KIF6: variants seen among roughly 807,000 people sequenced by gnomAD.
The protein encoded by KIF6 is kinesin-like protein KIF6.
In KIF6, 106 loss-of-function variants were observed where a neutral mutation model predicts 112.7. That is an observed-to-expected ratio of 0.94 (90% CI 0.80 to 1.11). KIF6 has a LOEUF of 1.11. Among genes scored for constraint, KIF6 ranks in the 50% least tolerant of loss-of-function variants. KIF6 has a pLI of 0.00. For synonymous variants in KIF6, 339 were observed against 339.9 expected (o/e 1.00, Z 0.03); for missense variants, 929 against 964.0 (o/e 0.96, Z 0.48).
At chr6:39,628,736 G>T (rs951369926) in intron 5 of KIF6, among the ~76,000 whole-genome samples, 1 of 151,758 alleles carries the variant, frequency 6.6e-6, no homozygotes, top group African/African-American at 2.4e-5. Flanking sequence ...AAATTCTGTG[G>T]GTTTTGACAA....
chr6:39,586,335 G>GGA lies in KIF6; in HGVS notation c.914_915dup (p.Leu306SerfsTer2). 1 of 1,614,012 alleles carries GGA rather than the reference G, an allele frequency of 6.2e-7. No individual in the cohort carries two copies. The highest frequency in any genetic ancestry group is 1.3e-5 in the African/African-American group (1 of 75,052). On this transcript the variant is annotated frameshift_variant, in exon 8 of 23. Transcript: ENST00000287152. LOFTEE classifies it high-confidence loss of function. ...CAGTTCCCTCCCAAACTGTCTCTTA[G>GGA]GACACTGGTCATCATGGAGTTTCTA...
chr6:39,542,781 C>G (rs1286189773), intron 12 of KIF6, among the ~76,000 whole-genome samples: 2 of 152,218 alleles, frequency 1.3e-5, no homozygotes, highest in Non-Finnish European at 2.9e-5. Context: ...CTTTTCTCAG[C>G]AGGTCTTATG....
At chr6:39,602,649 A>T (rs1380347003) in intron 6 of KIF6, among the ~76,000 whole-genome samples, 1 of 152,200 alleles carries the variant, frequency 6.6e-6, no homozygotes, top group Admixed American at 6.5e-5. Context: ...TTTTAAGTCC[A>T]TGGAATATAG....
intron 15 of KIF6, among the ~76,000 whole-genome samples, chr6:39,407,165 G>A (rs1227909189): frequency 6.6e-6 from 1 of 152,024 alleles, no homozygotes; most frequent in Non-Finnish European, 1.5e-5. Flanking sequence ...AGCCTGATTA[G>A]GTTCAGGTCA....
At chr6:39,465,650 A>T (rs1201297018) in intron 13 of KIF6, among the ~76,000 whole-genome samples, 2 of 152,166 alleles carry the variant, frequency 1.3e-5, no homozygotes, top group East Asian at 3.8e-4. Context: ...CTGATGCTTA[A>T]ATACTTTCAG....
At chr6:39,585,690 A>G (rs1781589286) in intron 8 of KIF6, among the ~76,000 whole-genome samples, 1 of 152,196 alleles carries the variant, frequency 6.6e-6, no homozygotes, top group African/African-American at 2.4e-5. Context: ...AAAGATTCAT[A>G]ATAGGTCAAA....
intron 10 of KIF6, among the ~76,000 whole-genome samples, chr6:39,576,599 T>C (rs1780987445): frequency 6.6e-6 from 1 of 152,146 alleles, no homozygotes; most frequent in African/African-American, 2.4e-5. Context: ...CTCTGGACAG[T>C]GTCTCGACTA....
At chr6:39,494,281 T>C (rs996143736) in intron 13 of KIF6, among the ~76,000 whole-genome samples, 13 of 152,236 alleles carry the variant, frequency 8.5e-5, no homozygotes, top group Non-Finnish European at 2.9e-5. Flanking sequence ...TTTAGTTAGC[T>C]AAATCCCAGG....
chr6:39,668,354 G>C (rs1786606887), intron 3 of KIF6, among the ~76,000 whole-genome samples: 1 of 151,996 alleles, frequency 6.6e-6, no homozygotes, highest in Non-Finnish European at 1.5e-5. Flanking sequence ...CTTTTTAGGA[G>C]AAAAAAATAA....
chr6:39,636,353 G>C (rs147101684), intron 4 of KIF6, among the ~76,000 whole-genome samples: 2 of 151,994 alleles, frequency 1.3e-5, no homozygotes, highest in African/African-American at 4.8e-5. Context: ...TCTATATTCC[G>C]GTGTTCTGTG....
intron 13 of KIF6, among the ~76,000 whole-genome samples, chr6:39,444,970 G>C (rs1772212244): frequency 1.3e-5 from 2 of 152,320 alleles, no homozygotes; most frequent in South Asian, 4.1e-4. Flanking sequence ...CCTGGGAGGA[G>C]CCGCATCACC....
At chr6:39,351,460 G>T (rs1441525256) in intron 19 of KIF6, among the ~76,000 whole-genome samples, 1 of 151,996 alleles carries the variant, frequency 6.6e-6, no homozygotes, top group Non-Finnish European at 1.5e-5. Context: ...TCACCTTGTT[G>T]CCCAGGCTGG....
chr6:39,512,821 T>G (rs1053479476), intron 13 of KIF6, among the ~76,000 whole-genome samples: 2 of 152,190 alleles, frequency 1.3e-5, no homozygotes, highest in South Asian at 2.1e-4. Flanking sequence ...TGACTGATTA[T>G]GAGGATCTAT....
At chr6:39,584,148 G>T (rs116401807) in intron 9 of KIF6, among the ~76,000 whole-genome samples, 108 of 151,702 alleles carry the variant, frequency 7.1e-4, no homozygotes, top group Middle Eastern at 3.4e-3. Context: ...TTGGCCCGGC[G>T]CGGTGGCTCA....
At chr6:39,369,271 T>C (rs186408769) in intron 16 of KIF6, among the ~76,000 whole-genome samples, 4 of 152,200 alleles carry the variant, frequency 2.6e-5, no homozygotes, top group Admixed American at 6.5e-5. Context: ...TGGTGCTGAT[T>C]TTGTAACACC....
intron 18 of KIF6, among the ~76,000 whole-genome samples, chr6:39,359,695 C>T (rs1581668794): frequency 6.6e-6 from 1 of 152,154 alleles, no homozygotes; most frequent in Non-Finnish European, 1.5e-5. Context: ...AAGCACTCTG[C>T]CCATCTCAGA....
chr6:39,493,721 C>G (rs550103652), intron 13 of KIF6, among the ~76,000 whole-genome samples: 9 of 152,344 alleles, frequency 5.9e-5, no homozygotes, highest in African/African-American at 2.2e-4. Context: ...GAATATTTTT[C>G]TTGCTCAAGG....
intron 13 of KIF6, among the ~76,000 whole-genome samples, chr6:39,489,107 A>G (rs1240869699): frequency 6.6e-6 from 1 of 152,182 alleles, no homozygotes; most frequent in Admixed American, 6.5e-5. Context: ...CTATATCTTC[A>G]TGTCAATTAA....
intron 13 of KIF6, among the ~76,000 whole-genome samples, chr6:39,485,555 A>T (rs549960329): frequency 6.6e-6 from 1 of 152,292 alleles, no homozygotes; most frequent in East Asian, 1.9e-4. Context: ...CCAGGAATCC[A>T]TAAAATCTGT....
Sources: gnomAD v4.1 joint callset for allele counts (sites outside exome capture counted in the v4.1 genomes callset) on GRCh38, gnomAD v4.1.1 for gene constraint, MANE v1.5 for transcripts, NCBI Gene and HGNC (gene_info 2026-07-23, HGNC 2026-07-21) for gene names.